ALG6: variants seen among roughly 807,000 people sequenced by gnomAD.
The protein encoded by ALG6 is ALG6 alpha-1,3-glucosyltransferase, also known as dolichyl pyrophosphate Man9GlcNAc2 alpha-1,3-glucosyltransferase.
ALG6 carries 46 observed loss-of-function variants against 66.6 expected under a neutral mutation model. The observed-to-expected ratio is 0.69, with a 90% CI of 0.55 to 0.88. The LOEUF (loss-of-function observed/expected upper bound fraction) is 0.88, where lower values mean the gene tolerates loss of function less well. ALG6 is among the 40% of genes least tolerant of loss of function. ALG6 has a pLI of 0.00. For missense variants in ALG6, 505 were observed against 586.8 expected, an observed-to-expected ratio of 0.86 and a Z score of 1.44; for synonymous variants, 185 against 203.7, an observed-to-expected ratio of 0.91 and a Z score of 0.78.
chr1:63,370,345 G>T (rs938167822), intron 1 of ALG6, among the ~76,000 whole-genome samples: 1 of 152,102 alleles, frequency 6.6e-6, no homozygotes, highest in African/African-American at 2.4e-5. Context: ...TTGTTTATTG[G>T]AAGACTTTCC....
chr1:63,400,925 T>C (rs952660445), intron 3 of ALG6, among the ~76,000 whole-genome samples: 3 of 152,214 alleles, frequency 2.0e-5, no homozygotes, highest in Non-Finnish European at 4.4e-5. Flanking sequence ...AATGATATAA[T>C]TGGTGCCTGT....
chr1:63,398,726 C>T (rs369743522), intron 3 of ALG6, among the ~76,000 whole-genome samples: 15 of 152,234 alleles, frequency 9.9e-5, no homozygotes, highest in East Asian at 9.7e-4. Flanking sequence ...CCGCCCATCT[C>T]GGCCTCCCAA....
At chr1:63,399,239 T>G (rs754193161) in intron 3 of ALG6, among the ~76,000 whole-genome samples, 3 of 152,212 alleles carry the variant, frequency 2.0e-5, no homozygotes, top group African/African-American at 7.2e-5. Flanking sequence ...AGCTTGCTTC[T>G]TTAAAGTCAG....
At chr1:63,404,619 G>A in intron 5 of ALG6, 78 bp downstream of exon 5, 2 of 1,152,532 alleles carry the variant, frequency 1.7e-6, no homozygotes, top group East Asian at 2.4e-5. Context: ...TACTATTATT[G>A]TTCTTACTGA....
intron 7 of ALG6, among the ~76,000 whole-genome samples, chr1:63,410,710 T>C (rs756836618): frequency 2.6e-5 from 4 of 152,124 alleles, no homozygotes; most frequent in Non-Finnish European, 5.9e-5. Context: ...ATTAAGTACA[T>C]ATATTACTTT....
chr1:63,418,906 AT>A (rs202004801), intron 11 of ALG6, among the ~76,000 whole-genome samples: 111 of 152,252 alleles, frequency 7.3e-4, no homozygotes, highest in East Asian at 6.6e-3. Flanking sequence ...AAAATAGATA[AT>A]TTTTTTTAAA....
rs756566938 is a variant in ALG6, at chr1:63,396,573, CTT to C, written c.146_147del (p.Phe49Ter). ...GCTCAGAGACACTGGCAAGAAATAA[CTT>C]TTAATTTACCGGTCAAACAATGGTA... On this transcript the variant is annotated frameshift_variant, in exon 3 of 15. Transcript: ENST00000263440. LOFTEE classifies it high-confidence loss of function. 5 of 1,613,966 alleles carry C rather than the reference CTT, an allele frequency of 3.1e-6. No homozygotes were observed. The Admixed American group carries it at 5.0e-5, about 16-fold the overall frequency.
intron 5 of ALG6, 81 bp downstream of exon 5, chr1:63,404,622 C>T: frequency 8.9e-7 from 1 of 1,117,786 alleles, no homozygotes; most frequent in Non-Finnish European, 1.4e-6. Flanking sequence ...TATTATTGTT[C>T]TTACTGACTT....
chr1:63,382,240 C>T (rs963454652), intron 2 of ALG6, among the ~76,000 whole-genome samples: 15 of 151,308 alleles, frequency 9.9e-5, no homozygotes, highest in East Asian at 3.9e-4. Flanking sequence ...CTTGCTGTGT[C>T]GCCCAGAGTG....
rs148662517 is a variant in ALG6 at position 63,436,932 on chromosome 1, G to T, written c.1436G>T (p.Cys479Phe). 5 of 1,613,596 alleles carry T rather than the reference G, an allele frequency of 3.1e-6. No individual in the cohort carries two copies. In the African/African-American group the frequency reaches 6.7e-5, roughly 22 times the overall value. ...TCTGTATTGGTGTGTTTTGTATCTTGCTTGAACTTCCTGTTCTTCTTGGTA... is the reference window on the plus strand; with the variant it reads ...TCTGTATTGGTGTGTTTTGTATCTTTCTTGAACTTCCTGTTCTTCTTGGTA... ...LFSVLVCFVS[C>F]LNFLFFLVYF... is the part of the protein sequence containing the mutation. The change falls in exon 15 of 15, where the codon TGC becomes TTC. Residue 479 changes from cysteine (C) to phenylalanine (F), a missense_variant. By Grantham distance (205) the Cys-to-Phe change is radical. Transcript: ENST00000263440.
chr1:63,419,201 T>A (rs112755503), intron 11 of ALG6, among the ~76,000 whole-genome samples, 169 bp from the exon 12 acceptor site: 54 of 152,330 alleles, frequency 3.5e-4, no homozygotes, highest in African/African-American at 1.1e-3. Flanking sequence ...GTCAATTTTT[T>A]AATTTGATTA....
chr1:63,426,534 A>T (rs1335207625), intron 12 of ALG6, among the ~76,000 whole-genome samples: 3 of 152,136 alleles, frequency 2.0e-5, no homozygotes, highest in Non-Finnish European at 4.4e-5. Context: ...CTTTCAGAGC[A>T]GTGCTTATAT....
At position 63,401,846 on chromosome 1, in the gene ALG6, A is replaced by G. The variant is rs188258240; in HGVS notation, c.168-408A>G. On this transcript the variant is annotated intron_variant, in intron 3 of 14. Transcript: ENST00000263440. ...CTTAACTTTTAGTTCTCGAGTCATG[A>G]TAGTTGTATATATTTCCTTCACATT... Among the ~76,000 whole-genome samples, 25 of 152,310 alleles carry G rather than the reference A, an allele frequency of 1.6e-4. No individual in the cohort carries two copies. In the East Asian group the frequency reaches 3.3e-3, roughly 20 times the overall value.
At position 63,414,074 on chromosome 1, in the gene ALG6, A is replaced by G; in HGVS notation, c.830A>G (p.Asn277Ser). The change falls in exon 10 of 15, where the codon AAT (asparagine) becomes AGT (serine). Residue 277 changes from asparagine (N) to serine (S), a missense_variant. Transcript: ENST00000263440. Reference protein sequence around the residue: ...DRGLFEDKVANIWCSFNVFLK... With the variant: ...DRGLFEDKVASIWCSFNVFLK... ...ATCTCTTTTAAGGATAAAGTAGCCA[A>G]TATTTGGTGCAGCTTCAATGTCTTT... 2 of 1,611,660 alleles carry G rather than the reference A, an allele frequency of 1.2e-6. No homozygotes were observed. Among genetic ancestry groups the G allele is most frequent in the Middle Eastern group, 1.7e-4 (1 of 6,048 alleles).
intron 14 of ALG6, among the ~76,000 whole-genome samples, chr1:63,430,458 A>G (rs1644640266): frequency 6.6e-6 from 1 of 152,198 alleles, no homozygotes; most frequent in East Asian, 1.9e-4. Flanking sequence ...TCTATGTTTA[A>G]CATCTTCAGA....
rs1644468720 is a variant in ALG6, at chr1:63,402,309, C to T, written c.223C>T (p.Leu75Phe). The T allele has an allele frequency of 3.7e-6, 6 of 1,612,274 alleles. No homozygotes were observed. Among genetic ancestry groups the T allele is most frequent in the African/African-American group, 1.3e-5 (1 of 74,974 alleles). ...GTATTGGGGATTGGATTACCCACCT[C>T]TTACAGCTTATCATAGTCTCCTATG... ...LQYWGLDYPP[L>F]TAYHSLLCAY... is the part of the protein sequence containing the mutation. The change falls in exon 4 of 15, where the codon CTT becomes TTT. Residue 75 changes from leucine (L) to phenylalanine (F), a missense_variant. Leu to Phe is a conservative substitution (Grantham distance 22). Coordinates refer to ENST00000263440, the MANE Select transcript of ALG6 (RefSeq NM_013339.4).
At chr1:63,378,165 A>G (rs1356785104) in intron 2 of ALG6, among the ~76,000 whole-genome samples, 1 of 151,028 alleles carries the variant, frequency 6.6e-6, no homozygotes, top group Non-Finnish European at 1.5e-5. Flanking sequence ...TTTTGGTGAG[A>G]GTCTGTTGGT....
chr1:63,400,297 GTA>G lies in ALG6; in HGVS notation c.168-1949_168-1948del, dbSNP rs1351455506. Among the ~76,000 whole-genome samples the G allele has an allele frequency of 2.8e-3, 14 of 4,972 alleles. 4 individuals carry two copies. The highest frequency in any genetic ancestry group is 0.013 in the African/African-American group (7 of 550). The allele number at this position is 4,972 out of a possible 152,430, so 3.3% of individuals were successfully genotyped here. A position where few individuals can be genotyped will look rare whatever the true frequency, so the allele number is the denominator to read the frequency against. On this transcript the variant is annotated intron_variant, in intron 3 of 14. Coordinates refer to ENST00000263440, the MANE Select transcript of ALG6 (RefSeq NM_013339.4). ...TATATATATACGTATATATATATAC[GTA>G]TATATATGTATATATATATACGTAT...
rs552277459 is a variant in ALG6, at chr1:63,435,160, T to G, written c.1327-1663T>G. Among the ~76,000 whole-genome samples the G allele has an allele frequency of 3.3e-5, 5 of 152,318 alleles. No individual in the cohort carries two copies. The South Asian group carries it at 1.0e-3, about 32-fold the overall frequency. The stretch of plus-strand genomic sequence containing the variant: ...GGATGAAGACTGGACACAGCATGTT[T>G]ATAGGCAACTGTTTTGGGAAACAAG... On this transcript the variant is annotated intron_variant, in intron 14 of 14. Transcript: ENST00000263440.
Sources: allele counts gnomAD v4.1 joint callset (sites outside exome capture counted in the v4.1 genomes callset), GRCh38; gene constraint gnomAD v4.1.1; transcripts MANE v1.5; gene names NCBI Gene and HGNC (gene_info 2026-07-23, HGNC 2026-07-21).